Variants in RPAP2 observed in about 807,000 individuals in gnomAD.
The protein encoded by RPAP2 is RNA polymerase II associated protein 2, also known as putative RNA polymerase II subunit B1 CTD phosphatase RPAP2.
Under a neutral mutation model 73.1 loss-of-function variants are expected in RPAP2, and 52 were observed. The observed-to-expected ratio is 0.71, with a 90% CI of 0.57 to 0.90. RPAP2 has a LOEUF of 0.90. Ranked by LOEUF, RPAP2 falls within the 40% of genes least tolerant of loss-of-function variation. The pLI is 0.00. For synonymous variants in RPAP2, 225 were observed against 242.1 expected, an observed-to-expected ratio of 0.93 and a Z score of 0.65; for missense variants, 598 against 701.8, an observed-to-expected ratio of 0.85 and a Z score of 1.67.
chr1:92,381,504 G>A (rs758178611), intron 12 of RPAP2, among the ~76,000 whole-genome samples: 61 of 151,272 alleles, frequency 4.0e-4, no homozygotes, highest in Non-Finnish European at 7.4e-4. Flanking sequence ...ATCCCAAAGT[G>A]CATGCTCAGA....
chr1:92,375,999 CAA>C (rs1234687722), intron 11 of RPAP2, among the ~76,000 whole-genome samples: 23 of 65,314 alleles, frequency 3.5e-4, no homozygotes, highest in Non-Finnish European at 4.4e-4. Flanking sequence ...GACTCTGTCT[CAA>C]AAAAAAAAAA....
At chr1:92,347,345 T>TCACC (rs1653954950) in intron 11 of RPAP2, among the ~76,000 whole-genome samples, 1 of 152,198 alleles carries the variant, frequency 6.6e-6, no homozygotes, top group Non-Finnish European at 1.5e-5. Context: ...GTATCTCTGC[T>TCACC]CACCCACCAG....
intron 8 of RPAP2, 68 bp from the exon 9 acceptor site, chr1:92,333,320 ATTG>A (rs1653083644): frequency 8.1e-7 from 1 of 1,238,920 alleles, no homozygotes; most frequent in African/African-American, 1.5e-5. Flanking sequence ...TTTAATGTTT[ATTG>A]TTCTGCTTAT....
chr1:92,372,766 G>A (rs1309392255), intron 11 of RPAP2, among the ~76,000 whole-genome samples: 1 of 152,026 alleles, frequency 6.6e-6, no homozygotes, highest in Admixed American at 6.6e-5. Context: ...TAAAGTAGCC[G>A]GGTATGGTGG....
At chr1:92,379,261 A>G (rs1364079169) in intron 11 of RPAP2, among the ~76,000 whole-genome samples, 3 of 152,228 alleles carry the variant, frequency 2.0e-5, no homozygotes, top group Non-Finnish European at 4.4e-5. Flanking sequence ...TGCCCAGGCA[A>G]ATAACCAAGG....
At chr1:92,381,026 A>G (rs6681027) in intron 12 of RPAP2, among the ~76,000 whole-genome samples, 153 bp downstream of exon 12, 15,776 of 151,896 alleles carry the variant, frequency 0.1, 2,363 homozygotes, top group African/African-American at 0.34. Context: ...TTAGTTCTCA[A>G]CTGCCTCAGT....
chr1:92,369,166 ATTATT>A (rs1269526805), intron 11 of RPAP2, among the ~76,000 whole-genome samples: 1 of 152,228 alleles, frequency 6.6e-6, no homozygotes, highest in African/African-American at 2.4e-5. Flanking sequence ...TTCTCTGCTG[ATTATT>A]TTAATAAGTA....
chr1:92,349,902 AG>A (rs1224336808), intron 11 of RPAP2, among the ~76,000 whole-genome samples: 1 of 152,190 alleles, frequency 6.6e-6, no homozygotes, highest in Non-Finnish European at 1.5e-5. Flanking sequence ...ACTCAAGCCT[AG>A]GTAACAGAGC....
chr1:92,351,542 C>T (rs527705149), intron 11 of RPAP2, among the ~76,000 whole-genome samples: 9 of 152,208 alleles, frequency 5.9e-5, no homozygotes, highest in African/African-American at 1.9e-4. Flanking sequence ...TAGGACACAT[C>T]GCTCAGCTTC....
intron 11 of RPAP2, among the ~76,000 whole-genome samples, chr1:92,359,418 C>G (rs906951519): frequency 2.4e-4 from 36 of 152,248 alleles, no homozygotes; most frequent in Non-Finnish European, 1.6e-4. Flanking sequence ...CTCCCAGGTT[C>G]AAGCAATTCT....
At chr1:92,343,288 T>C (rs560094887) in intron 10 of RPAP2, among the ~76,000 whole-genome samples, 1 of 152,186 alleles carries the variant, frequency 6.6e-6, no homozygotes, top group Non-Finnish European at 1.5e-5. Context: ...TTTGGCAGTA[T>C]GGCTGTCTCT....
intron 11 of RPAP2, among the ~76,000 whole-genome samples, chr1:92,357,538 T>G (rs1246659447): frequency 6.6e-6 from 1 of 152,136 alleles, no homozygotes; most frequent in Non-Finnish European, 1.5e-5. Context: ...ACTGATGGAT[T>G]TTTTTTGTTT....
rs1055983604 is a variant in RPAP2, at chr1:92,393,444, C to G, written c.*6433C>G. 1 of 152,192 alleles carries G rather than the reference C, an allele frequency of 6.6e-6. No homozygotes were observed. The highest frequency in any genetic ancestry group is 1.5e-5 in the Non-Finnish European group (1 of 68,060). 9.4% of individuals were successfully genotyped at this position (152,192 alleles called of 1,614,324 possible). A position where few individuals can be genotyped will look rare whatever the true frequency, so the allele number is the denominator to read the frequency against. ...GGGCAAAGACTTCATGTCTAAAACA[C>G]CAAAAGCAATGGCAACAAAAGCCAA... On this transcript the variant is annotated 3_prime_UTR_variant, in exon 13 of 13. Coordinates refer to ENST00000610020, the MANE Select transcript of RPAP2 (RefSeq NM_024813.3).
At chr1:92,305,407 G>C (rs561658963) in intron 5 of RPAP2, among the ~76,000 whole-genome samples, 1 of 94,682 alleles carries the variant, frequency 1.1e-5, no homozygotes, top group Non-Finnish European at 2.1e-5. Context: ...CATTCCAGCC[G>C]GGGCAACAGA....
chr1:92,367,767 T>C lies in RPAP2; in HGVS notation c.1689-12957T>C, dbSNP rs1468516286. ...GCTTTCTGGTGACATTTTATTCACA[T>C]AGACATTCTCACAGCTCTTTATTCT... On this transcript the variant is annotated intron_variant, in intron 11 of 12. Transcript: ENST00000610020. 5.3e-5 allele frequency among the ~76,000 whole-genome samples: 8 copies of C among 152,336 alleles called. No individual in the cohort carries two copies. In the East Asian group the frequency reaches 7.7e-4, roughly 15 times the overall value.
Position 92,370,085 on chromosome 1 carries a change from A to T in RPAP2, c.1689-10639A>T, listed in dbSNP as rs12567441. Among the ~76,000 whole-genome samples, 48 of 152,256 alleles carry T rather than the reference A, an allele frequency of 3.2e-4. No individual in the cohort carries two copies. In the East Asian group the frequency reaches 8.9e-3, roughly 28 times the overall value. ...TTTTTAGTAGAGATGGGGTTTCACC[A>T]TGTTGGCCAGGCTTGTCTTGAACTC... On this transcript the variant is annotated intron_variant, in intron 11 of 12. Coordinates refer to ENST00000610020, the MANE Select transcript of RPAP2 (RefSeq NM_024813.3).
At chr1:92,363,914 A>G (rs1654829765) in intron 11 of RPAP2, 1 of 165,298 alleles carries the variant, frequency 6.0e-6, no homozygotes, top group African/African-American at 2.4e-5. Flanking sequence ...GTGTTAATCG[A>G]CTGCTTATGT....
At chr1:92,314,676 G>A (rs1181760237) in intron 6 of RPAP2, among the ~76,000 whole-genome samples, 1 of 151,988 alleles carries the variant, frequency 6.6e-6, no homozygotes, top group Non-Finnish European at 1.5e-5. Flanking sequence ...CCAGGAGGCA[G>A]AGGTTGCAGT....
intron 10 of RPAP2, among the ~76,000 whole-genome samples, chr1:92,337,749 A>G (rs2101254131): frequency 6.6e-6 from 1 of 152,204 alleles, no homozygotes; most frequent in Non-Finnish European, 1.5e-5. Context: ...ATAATTTAGG[A>G]ATTTTTCCAA....
Sources: allele counts gnomAD v4.1 joint callset (sites outside exome capture counted in the v4.1 genomes callset), GRCh38; gene constraint gnomAD v4.1.1; transcripts MANE v1.5; gene names NCBI Gene and HGNC (gene_info 2026-07-23, HGNC 2026-07-21).